Variants in STAG2 observed in about 807,000 individuals in gnomAD.
The protein encoded by STAG2 is cohesin subunit SA-2.
In STAG2, 14 loss-of-function variants were observed where a neutral mutation model predicts 108.1. The ratio of observed to expected loss-of-function variants is 0.13; its 90% CI spans 0.09 to 0.20. The LOEUF (loss-of-function observed/expected upper bound fraction) is 0.20, where lower values mean the gene tolerates loss of function less well. Ranked by LOEUF, STAG2 falls within the 10% of genes least tolerant of loss-of-function variation. STAG2 has a pLI of 1.00. For synonymous variants in STAG2, 307 were observed against 302.7 expected (o/e 1.01, Z -0.15); for missense variants, 440 against 940.9 (o/e 0.47, Z 6.96).
intron 5 of STAG2, among the ~76,000 whole-genome samples, chrX:124,036,667 C>T (rs1366241352): frequency 9.0e-6 from 1 of 111,071 alleles, no homozygotes; most frequent in Admixed American, 9.6e-5. Flanking sequence ...CGTGAGCTAC[C>T]GCACCCAGCC....
intron 25 of STAG2, among the ~76,000 whole-genome samples, chrX:124,073,783 G>GA (rs1480880466): frequency 9.0e-6 from 1 of 111,388 alleles, no homozygotes. Flanking sequence ...AAATATAACA[G>GA]ATTTTTACAT....
intron 6 of STAG2, among the ~76,000 whole-genome samples, chrX:124,040,094 CAA>C (rs1210859385): frequency 8.9e-6 from 1 of 112,058 alleles, no homozygotes; most frequent in African/African-American, 3.2e-5. Flanking sequence ...CTTATACACA[CAA>C]AATTATTTTA....
chrX:124,011,831 T>C (rs1208398229), intron 1 of STAG2, among the ~76,000 whole-genome samples: 4 of 111,316 alleles, frequency 3.6e-5, no homozygotes, highest in Non-Finnish European at 7.5e-5. Context: ...CATGAATGGA[T>C]TAACCTATTC....
intron 1 of STAG2, among the ~76,000 whole-genome samples, chrX:123,972,763 A>G (rs1006785013): frequency 1.6e-4 from 16 of 99,833 alleles, no homozygotes; most frequent in African/African-American, 5.9e-4. Context: ...TCATGCCTGT[A>G]TTCCCAGCAC....
In STAG2 at chrX:124,077,954, T is replaced by C. The variant is rs2058842601; in HGVS notation, c.2674-3T>C. On this transcript the variant is annotated splice_region_variant and splice_polypyrimidine_tract_variant and intron_variant, in intron 26 of 34. Coordinates refer to ENST00000371145, the MANE Select transcript of STAG2 (RefSeq NM_001042750.2). Reference sequence around the variant, plus strand: ...GCTCTAATTTGTACAAATTTCTTTATAGTATTATAATGACTATGGAGATAT... The same window carrying C: ...GCTCTAATTTGTACAAATTTCTTTACAGTATTATAATGACTATGGAGATAT... 5 of 1,087,834 alleles carry C rather than the reference T, an allele frequency of 4.6e-6. No homozygotes were observed. Among genetic ancestry groups the C allele is most frequent in the Non-Finnish European group, 3.7e-6 (3 of 813,716 alleles). The allele number at this position is 1,087,834 out of a possible 1,213,427, so 89.6% of individuals were successfully genotyped here. A position where few individuals can be genotyped will look rare whatever the true frequency, so the allele number is the denominator to read the frequency against.
intron 28 of STAG2, among the ~76,000 whole-genome samples, chrX:124,082,478 T>C (rs2058985946): frequency 8.9e-6 from 1 of 112,040 alleles, no homozygotes; most frequent in Admixed American, 9.5e-5. Flanking sequence ...CATTTAGTTA[T>C]AAAAGTGCTA....
chrX:124,055,414 A>G (rs1363069983), intron 13 of STAG2, among the ~76,000 whole-genome samples: 3 of 112,727 alleles, frequency 2.7e-5, no homozygotes, highest in Admixed American at 1.9e-4. Context: ...AAGAGCTGCC[A>G]GGGGCCAGGA....
rs775468677 is a variant in STAG2 at position 124,078,597 on chromosome X, T to G, written c.2775+539T>G. On this transcript the variant is annotated intron_variant, in intron 27 of 34. Coordinates refer to ENST00000371145, the MANE Select transcript of STAG2 (RefSeq NM_001042750.2). ...CAGTGGTTAACTTGTTTTGGTAGAT[T>G]TCATGTTGAATTCTACTTTTTTCTC... Among the ~76,000 whole-genome samples, 133 of 111,431 alleles carry G rather than the reference T, an allele frequency of 1.2e-3. 1 individual carries two copies. The highest frequency in any genetic ancestry group is 4.0e-3 in the African/African-American group (123 of 30,725).
At chrX:124,076,901 ATTG>A (rs1313205795) in intron 26 of STAG2, among the ~76,000 whole-genome samples, 2 of 110,470 alleles carry the variant, frequency 1.8e-5, no homozygotes, top group African/African-American at 6.6e-5. Flanking sequence ...TTCCACTGTG[ATTG>A]TTAAGGTTTT....
At chrX:124,016,146 T>G (rs951684331) in intron 1 of STAG2, among the ~76,000 whole-genome samples, 2 of 111,170 alleles carry the variant, frequency 1.8e-5, no homozygotes, top group Non-Finnish European at 3.8e-5. Flanking sequence ...TTAAACAGTT[T>G]TTTTTTTCTC....
At chrX:124,064,295 A>AAC (rs758469952) in intron 20 of STAG2, among the ~76,000 whole-genome samples, 1 of 111,516 alleles carries the variant, frequency 9.0e-6, no homozygotes, top group South Asian at 3.8e-4. Context: ...AAATGATCTG[A>AAC]ACAGTTACCT....
chrX:124,072,904 C>CTTTTTTTTTTTTTTTTTTTTTTCTCTTTT (rs779996801), intron 25 of STAG2, among the ~76,000 whole-genome samples: 1 of 72,695 alleles, frequency 1.4e-5, no homozygotes, highest in Non-Finnish European at 2.5e-5. Context: ...TTCTTTCTTT[C>CTTTTTTTTTTTTTTTTTTTTTTCTCTTTT]TTTTTTTTTT....
chrX:124,089,543 T>A (rs2148482582), intron 30 of STAG2, among the ~76,000 whole-genome samples: 1 of 111,335 alleles, frequency 9.0e-6, no homozygotes, highest in Admixed American at 9.6e-5. Flanking sequence ...CTGTTGCCAT[T>A]TCTCACTCAC....
intron 28 of STAG2, 129 bp downstream of exon 28, chrX:124,081,657 C>A: frequency 3.9e-6 from 2 of 506,957 alleles, no homozygotes; most frequent in East Asian, 8.4e-5. Flanking sequence ...AATCTCTACC[C>A]TATCTCCTTT....
At chrX:124,065,825 G>T in intron 20 of STAG2, 51 bp from the exon 21 acceptor site, 1 of 863,630 alleles carries the variant, frequency 1.2e-6, no homozygotes, top group Non-Finnish European at 1.6e-6. Flanking sequence ...CATTTTGATA[G>T]CCTAGGAGTT....
intron 27 of STAG2, among the ~76,000 whole-genome samples, chrX:124,080,371 A>G: frequency 9.0e-6 from 1 of 111,216 alleles, no homozygotes; most frequent in Admixed American, 9.6e-5. Context: ...CTGGGTGTAT[A>G]CCCAGAAGTC....
chrX:123,995,766 C>T (rs368901711), intron 1 of STAG2, among the ~76,000 whole-genome samples: 1 of 111,862 alleles, frequency 8.9e-6, no homozygotes, highest in East Asian at 2.8e-4. Flanking sequence ...ATATGAATGG[C>T]GCTTAAATAA....
chrX:124,097,904 A>G (rs1000958528), intron 34 of STAG2, among the ~76,000 whole-genome samples: 3 of 110,699 alleles, frequency 2.7e-5, no homozygotes, highest in Admixed American at 9.8e-5. Flanking sequence ...TAAGAAATCG[A>G]AATGGTTAAC....
At chrX:124,036,767 T>C (rs1024015726) in intron 5 of STAG2, among the ~76,000 whole-genome samples, 7 of 111,972 alleles carry the variant, frequency 6.3e-5, no homozygotes, top group African/African-American at 2.3e-4. Context: ...CTATTTTCTT[T>C]TTTAAGAAAT....
Sources: gnomAD v4.1 joint callset for allele counts (sites outside exome capture counted in the v4.1 genomes callset) on GRCh38, gnomAD v4.1.1 for gene constraint, MANE v1.5 for transcripts, NCBI Gene and HGNC (gene_info 2026-07-23, HGNC 2026-07-21) for gene names.